DCAF6: variants seen among roughly 807,000 people sequenced by gnomAD.
DCAF6 encodes DDB1 and CUL4 associated factor 6.
DCAF6 carries 54 observed loss-of-function variants against 125.1 expected under a neutral mutation model. The ratio of observed to expected loss-of-function variants is 0.43; its 90% CI spans 0.35 to 0.54. The LOEUF (loss-of-function observed/expected upper bound fraction) is 0.54, where lower values mean the gene tolerates loss of function less well. DCAF6 is among the 20% of genes least tolerant of loss of function. DCAF6 has a pLI of 0.01. For missense variants in DCAF6, 934 were observed against 1,161.7 expected (o/e 0.80, Z 2.85); for synonymous variants, 371 against 390.4 (o/e 0.95, Z 0.58).
chr1:167,914,883 A>AAACACAGTTGTCTC, the DCAF6 span, among the ~76,000 whole-genome samples: 682 of 152,332 alleles, frequency 4.5e-3, 6 homozygotes, highest in East Asian at 0.056. Context: ...AAATGTTGTA[A>AAACACAGTTGTCTC]AACACAGTTG....
intron 2 of DCAF6, among the ~76,000 whole-genome samples, chr1:167,953,397 T>C (rs1674282186): frequency 6.6e-6 from 1 of 152,206 alleles, no homozygotes; most frequent in South Asian, 2.1e-4. Flanking sequence ...TTGATAGTGC[T>C]TACTATCTGG....
intron 11 of DCAF6, among the ~76,000 whole-genome samples, chr1:168,018,426 A>G (rs1685253449): frequency 6.6e-6 from 1 of 152,136 alleles, no homozygotes; most frequent in Non-Finnish European, 1.5e-5. Flanking sequence ...GGAAATTCCA[A>G]TAGAAAGTAT....
intron 4 of DCAF6, 124 bp from the exon 5 acceptor site, chr1:167,987,371 G>C (rs1452353692): frequency 1.1e-5 from 6 of 552,758 alleles, no homozygotes; most frequent in Non-Finnish European, 2.0e-5. Context: ...TAAGCCATGA[G>C]TAACTAAAAT....
At position 167,936,686 on chromosome 1, in the gene DCAF6, T is replaced by G; in HGVS notation, c.-226T>G. 1 of 492,254 alleles carries G rather than the reference T, an allele frequency of 2.0e-6. No individual in the cohort carries two copies. The highest frequency in any genetic ancestry group is 3.6e-6 in the Non-Finnish European group (1 of 276,368). 30.5% of individuals were successfully genotyped at this position (492,254 alleles called of 1,614,324 possible). ...GAGGAGACTGTTGCTGATCTTTGGA[T>G]GTTCTGGTTAGTCTAAGAAGGAGAG... On this transcript the variant is annotated 5_prime_UTR_variant, in exon 1 of 22. An upstream start codon of the reference 5' UTR is lost. Transcript: ENST00000367840.
At chr1:167,897,486 G>C in the DCAF6 span, among the ~76,000 whole-genome samples, 1 of 148,296 alleles carries the variant, frequency 6.7e-6, no homozygotes, top group East Asian at 2.0e-4. Flanking sequence ...GACAGAGTAA[G>C]ATTCCATCTC....
At chr1:167,935,647 G>A (rs1671111277), upstream of DCAF6, 5 of 1,119,024 alleles carry the variant, frequency 4.5e-6, no homozygotes, top group African/African-American at 3.1e-5. Flanking sequence ...TGCCTCTAGA[G>A]GCAGTTGTCA....
Position 167,974,826 on chromosome 1 carries a change from T to G in DCAF6, c.253-4T>G. 6.6e-7 allele frequency: 1 copy of G among 1,517,120 alleles called. No individual in the cohort carries two copies. The highest frequency in any genetic ancestry group is 8.8e-7 in the Non-Finnish European group (1 of 1,132,896). 94.0% of individuals were successfully genotyped at this position (1,517,120 alleles called of 1,614,324 possible). ...CCATTAACTGCTTTCTTTGTGTGTT[T>G]TAGGTTTTGACAACAATTCGTTCAG... On this transcript the variant is annotated splice_region_variant and splice_polypyrimidine_tract_variant and intron_variant, in intron 3 of 21. Coordinates refer to ENST00000367840, the MANE Select transcript of DCAF6 (RefSeq NM_001198956.2).
intron 7 of DCAF6, among the ~76,000 whole-genome samples, chr1:167,994,577 G>A (rs1183328979): frequency 1.3e-5 from 2 of 152,116 alleles, no homozygotes. Context: ...ATATTGAAAA[G>A]TAGGTGAATG....
chr1:167,980,916 C>CTTTTTTTTTT (rs71100920), intron 4 of DCAF6, among the ~76,000 whole-genome samples: 4 of 113,568 alleles, frequency 3.5e-5, no homozygotes, highest in Non-Finnish European at 7.2e-5. Flanking sequence ...TCTGAATTTT[C>CTTTTTTTTTT]TTTTTTTTTT....
chr1:167,901,660 A>C, the DCAF6 span: 10 of 1,613,998 alleles, frequency 6.2e-6, 1 homozygote, highest in South Asian at 1.1e-4. Context: ...TCAAATGCTT[A>C]CCTATCTTGA....
intron 10 of DCAF6, among the ~76,000 whole-genome samples, chr1:168,005,856 A>C (rs182593580): frequency 3.9e-5 from 6 of 152,300 alleles, no homozygotes; most frequent in African/African-American, 1.4e-4. Flanking sequence ...CATTTTATCC[A>C]TAATAATAAG....
the DCAF6 span, among the ~76,000 whole-genome samples, chr1:167,891,304 G>T: frequency 6.6e-6 from 1 of 152,090 alleles, no homozygotes; most frequent in South Asian, 2.1e-4. Context: ...CTCTGGGGTG[G>T]TGGTATATTT....
At chr1:168,023,289 C>G in intron 12 of DCAF6, 1 of 556,114 alleles carries the variant, frequency 1.8e-6, no homozygotes, top group East Asian at 2.8e-5. Context: ...AACTCTCTCC[C>G]TATAACAAAA....
intron 2 of DCAF6, among the ~76,000 whole-genome samples, chr1:167,954,614 G>A (rs572301418): frequency 2.6e-5 from 4 of 151,778 alleles, no homozygotes; most frequent in East Asian, 1.9e-4. Flanking sequence ...CACCAAGCGC[G>A]GCTAATTTTT....
At chr1:167,893,558 C>T in the DCAF6 span, among the ~76,000 whole-genome samples, 132 of 151,858 alleles carry the variant, frequency 8.7e-4, no homozygotes, top group Middle Eastern at 0.017. Context: ...ACTAAAAATA[C>T]AAAAAGTTAG....
intron 15 of DCAF6, 76 bp from the exon 16 acceptor site, chr1:168,044,813 GAATGTGTTTGT>G: frequency 6.8e-7 from 1 of 1,477,018 alleles, no homozygotes; most frequent in East Asian, 2.3e-5. Context: ...CATCATATTA[GAATGTGTTTGT>G]GAGCTCCTAA....
chr1:167,875,304 C>T, the DCAF6 span: 1 of 1,045,954 alleles, frequency 9.6e-7, no homozygotes, highest in South Asian at 1.3e-5. Context: ...AAGAGTCTAT[C>T]CCCTGACTCA....
chr1:167,903,093 G>GA, the DCAF6 span, among the ~76,000 whole-genome samples: 5 of 144,858 alleles, frequency 3.5e-5, no homozygotes, highest in African/African-American at 1.3e-4. Context: ...TATCTCTACT[G>GA]AAAAAAATAC....
the DCAF6 span, among the ~76,000 whole-genome samples, chr1:167,916,240 CTT>C: frequency 8.8e-4 from 134 of 151,992 alleles, no homozygotes; most frequent in Non-Finnish European, 1.4e-3. Context: ...GAGTTTTGCT[CTT>C]GTCGCCCAGG....
Sources: gnomAD v4.1 joint callset for allele counts (sites outside exome capture counted in the v4.1 genomes callset) on GRCh38, gnomAD v4.1.1 for gene constraint, MANE v1.5 for transcripts, NCBI Gene and HGNC (gene_info 2026-07-23, HGNC 2026-07-21) for gene names.